Variants in PARD3B observed in about 807,000 individuals in gnomAD.
PARD3B encodes par-3 family cell polarity regulator beta.
In PARD3B, 103 loss-of-function variants were observed where a neutral mutation model predicts 130.2. That is an observed-to-expected ratio of 0.79 (90% confidence interval 0.67 to 0.93). The LOEUF (loss-of-function observed/expected upper bound fraction) is 0.93. Ranked by LOEUF, PARD3B falls within the 40% of genes least tolerant of loss-of-function variation. The pLI, the probability that PARD3B is intolerant of heterozygous loss-of-function variation, is 0.00. For synonymous variants in PARD3B, 583 were observed against 553.2 expected (o/e 1.05, Z -0.76); for missense variants, 1,609 against 1,499.2 (o/e 1.07, Z -1.21).
chr2:205,293,638 G>T (rs1245707022), intron 16 of PARD3B: 1 of 152,174 alleles, frequency 6.6e-6, no homozygotes, highest in Non-Finnish European at 1.5e-5. Context: ...ATAATTATGG[G>T]TAGGGCAGTA....
In PARD3B at chr2:204,993,936, C is replaced by T. The variant is rs1479225722; in HGVS notation, c.394+28613C>T. On this transcript the variant is annotated intron_variant, in intron 3 of 22. Transcript: ENST00000406610. The stretch of plus-strand genomic sequence containing the variant: ...GGATCGGTGGTGATATCCCCTTTAT[C>T]ATTTTTTATTGCATCTATTTGATTC... Among the ~76,000 whole-genome samples the T allele has an allele frequency of 7.2e-5, 11 of 151,962 alleles. No homozygotes were observed. The East Asian group carries it at 1.9e-3, about 27-fold the overall frequency.
chr2:205,075,293 A>G (rs745935526), intron 4 of PARD3B, among the ~76,000 whole-genome samples: 9 of 152,126 alleles, frequency 5.9e-5, no homozygotes, highest in Admixed American at 4.6e-4. Context: ...TTTCTTCCTT[A>G]AATTTAGAAG....
chr2:204,933,077 A>G (rs1308885498), intron 2 of PARD3B, among the ~76,000 whole-genome samples: 2 of 152,216 alleles, frequency 1.3e-5, no homozygotes, highest in Non-Finnish European at 2.9e-5. Flanking sequence ...GTTGGTGTGA[A>G]GAACTGATTG....
At chr2:205,108,843 T>C (rs1027099824) in intron 5 of PARD3B, among the ~76,000 whole-genome samples, 1 of 152,166 alleles carries the variant, frequency 6.6e-6, no homozygotes, top group African/African-American at 2.4e-5. Context: ...GACAAGTTAT[T>C]AAACTCTCTA....
chr2:205,484,311 C>G (rs1223576602), intron 20 of PARD3B, among the ~76,000 whole-genome samples: 3 of 152,186 alleles, frequency 2.0e-5, no homozygotes, highest in Non-Finnish European at 4.4e-5. Flanking sequence ...GGGTCATTAA[C>G]TCTCAAATGT....
intron 1 of PARD3B, among the ~76,000 whole-genome samples, chr2:204,597,639 A>G (rs959129727): frequency 1.9e-4 from 29 of 152,328 alleles, no homozygotes; most frequent in African/African-American, 6.7e-4. Flanking sequence ...GGGCCAGTCA[A>G]TAGTGAGCTG....
chr2:205,235,629 A>G (rs1201312529), intron 15 of PARD3B, among the ~76,000 whole-genome samples: 1 of 152,192 alleles, frequency 6.6e-6, no homozygotes, highest in African/African-American at 2.4e-5. Context: ...CAGTGCGGCT[A>G]CTGTGCACAA....
rs2046883736 is a variant in PARD3B at position 204,902,139 on chromosome 2, T to G, written c.223-63013T>G. 2.0e-5 allele frequency among the ~76,000 whole-genome samples: 3 copies of G among 152,206 alleles called. No homozygotes were observed. In the South Asian group the frequency reaches 6.2e-4, roughly 31 times the overall value. ...CTTCAACTTCAATTCAGAAGCTGTA[T>G]TTTAGATAATAACTTTTCTTTCAAA... is the stretch of plus-strand genomic sequence containing the variant. On this transcript the variant is annotated intron_variant, in intron 2 of 22. Transcript: ENST00000406610.
At chr2:205,117,920 C>CACACACACACACACACACACAT (rs1456015043) in intron 6 of PARD3B, among the ~76,000 whole-genome samples, 1 of 151,906 alleles carries the variant, frequency 6.6e-6, no homozygotes, top group Admixed American at 6.5e-5. Context: ...TGTGTGTACA[C>CACACACACACACACACACACAT]ACACACACAC....
chr2:205,447,110 C>G (rs1445711404), intron 20 of PARD3B, among the ~76,000 whole-genome samples: 1 of 152,162 alleles, frequency 6.6e-6, no homozygotes, highest in Admixed American at 6.5e-5. Context: ...ATTTACCCTA[C>G]TAATATATTA....
intron 21 of PARD3B, among the ~76,000 whole-genome samples, chr2:205,536,199 G>A (rs938513907): frequency 6.6e-6 from 1 of 152,164 alleles, no homozygotes; most frequent in African/African-American, 2.4e-5. Flanking sequence ...GAACAAGCGT[G>A]TGGTGTCTCT....
chr2:205,600,694 C>A (rs1421502516), intron 22 of PARD3B, among the ~76,000 whole-genome samples: 1 of 152,136 alleles, frequency 6.6e-6, no homozygotes, highest in African/African-American at 2.4e-5. Context: ...GTGTTGTTCC[C>A]CTCTCTGTAT....
intron 2 of PARD3B, among the ~76,000 whole-genome samples, chr2:204,930,338 G>A (rs1687941121): frequency 6.6e-6 from 1 of 151,912 alleles, no homozygotes; most frequent in Non-Finnish European, 1.5e-5. Flanking sequence ...ACAAAATGAT[G>A]TAGTATTTGC....
Position 205,604,811 on chromosome 2 carries a change from G to A in PARD3B, c.3261-10645G>A, listed in dbSNP as rs192236391. Among the ~76,000 whole-genome samples the A allele has an allele frequency of 5.3e-4, 80 of 152,220 alleles. 1 individual carries two copies. Among genetic ancestry groups the A allele is most frequent in the Admixed American group, 2.4e-3 (37 of 15,284 alleles). On this transcript the variant is annotated intron_variant, in intron 22 of 22. Coordinates refer to ENST00000406610, the MANE Select transcript of PARD3B (RefSeq NM_001302769.2). ...TGTCCTGAAGTATGTTTTCCAACGT[G>A]GTTCTGTTTTCGCTGTCTCTTTCAG... is the stretch of plus-strand genomic sequence containing the variant.
intron 2 of PARD3B, among the ~76,000 whole-genome samples, chr2:204,894,854 A>G (rs1164226881): frequency 6.6e-6 from 1 of 152,136 alleles, no homozygotes; most frequent in East Asian, 1.9e-4. Context: ...GTGCCTTTCA[A>G]AGAGCAATAA....
At position 205,036,910 on chromosome 2, in the gene PARD3B, C is replaced by T. The variant is rs182745393; in HGVS notation, c.395-10671C>T. On this transcript the variant is annotated intron_variant, in intron 3 of 22. Coordinates refer to ENST00000406610, the MANE Select transcript of PARD3B (RefSeq NM_001302769.2). Reference sequence around the variant, plus strand: ...CTGTATATATAAAGAACATATATAGCGGACTGTATATATAAAAAACATATA... The same window carrying T: ...CTGTATATATAAAGAACATATATAGTGGACTGTATATATAAAAAACATATA... Among the ~76,000 whole-genome samples the T allele has an allele frequency of 7.7e-3, 1,139 of 148,032 alleles. 10 individuals carry two copies. The highest frequency in any genetic ancestry group is 0.027 in the African/African-American group (1,079 of 40,160).
intron 22 of PARD3B, among the ~76,000 whole-genome samples, chr2:205,612,952 C>T (rs892155130): frequency 2.0e-5 from 3 of 152,126 alleles, no homozygotes; most frequent in Admixed American, 1.3e-4. Context: ...ATGTGCTCGC[C>T]GACTGTACTG....
At chr2:205,594,522 G>A (rs1199890598) in intron 22 of PARD3B, among the ~76,000 whole-genome samples, 4 of 152,028 alleles carry the variant, frequency 2.6e-5, no homozygotes, top group Non-Finnish European at 4.4e-5. Flanking sequence ...ATAGCTATAG[G>A]GGCACATGGG....
intron 21 of PARD3B, among the ~76,000 whole-genome samples, chr2:205,552,875 A>G (rs2106495500): frequency 6.6e-6 from 1 of 152,326 alleles, no homozygotes; most frequent in Middle Eastern, 3.4e-3. Context: ...ATGTATCAAT[A>G]TGGATTAATT....
Sources: allele counts gnomAD v4.1 joint callset (sites outside exome capture counted in the v4.1 genomes callset), GRCh38; gene constraint gnomAD v4.1.1; transcripts MANE v1.5; gene names NCBI Gene and HGNC (gene_info 2026-07-23, HGNC 2026-07-21).